The following KIAA1217 variants were observed in gnomAD, a reference collection of about 807,000 sequenced individuals.
The protein encoded by KIAA1217 is sickle tail protein homolog.
A neutral mutation model predicts 163.9 loss-of-function variants in KIAA1217; 88 were observed. The ratio of observed to expected loss-of-function variants is 0.54; its 90% CI spans 0.45 to 0.64. The LOEUF (loss-of-function observed/expected upper bound fraction) is 0.64. Among genes scored for constraint, KIAA1217 ranks in the 30% least tolerant of loss-of-function variants. The pLI is 0.00. For synonymous variants in KIAA1217, 903 were observed against 923.1 expected (o/e 0.98, Z 0.39); for missense variants, 2,372 against 2,475.0 (o/e 0.96, Z 0.88).
At chr10:24,484,224 C>CATATAT (rs1170144059) in intron 6 of KIAA1217, among the ~76,000 whole-genome samples, 52 of 90,500 alleles carry the variant, frequency 5.7e-4, no homozygotes, top group South Asian at 1.4e-3. Flanking sequence ...GATAGATATA[C>CATATAT]ATATATATAT....
chr10:24,500,880 C>T (rs1478110330), intron 8 of KIAA1217, among the ~76,000 whole-genome samples: 2 of 151,974 alleles, frequency 1.3e-5, no homozygotes, highest in East Asian at 1.9e-4. Context: ...CCCAGGTGTT[C>T]GAGACCTGCC....
At chr10:24,101,530 T>C (rs1321705313) in intron 2 of KIAA1217, among the ~76,000 whole-genome samples, 1 of 152,210 alleles carries the variant, frequency 6.6e-6, no homozygotes, top group African/African-American at 2.4e-5. Context: ...TTTGCTGTTT[T>C]CATTTATTCA....
At chr10:24,486,729 T>C (rs1322026477) in intron 6 of KIAA1217, among the ~76,000 whole-genome samples, 2 of 152,228 alleles carry the variant, frequency 1.3e-5, no homozygotes, top group Non-Finnish European at 2.9e-5. Context: ...ACTTTCTCAG[T>C]GAAGCCCTGT....
At chr10:23,871,018 C>CTT (rs796387503) in intron 1 of KIAA1217, among the ~76,000 whole-genome samples, 4 of 144,432 alleles carry the variant, frequency 2.8e-5, no homozygotes, top group African/African-American at 1.0e-4. Context: ...TTTTTCTTTT[C>CTT]TTTTTTTTTT....
intron 2 of KIAA1217, among the ~76,000 whole-genome samples, chr10:24,008,148 AG>A (rs1847078299): frequency 6.7e-6 from 1 of 149,576 alleles, no homozygotes; most frequent in Non-Finnish European, 1.5e-5. Flanking sequence ...ATCCATAGGA[AG>A]GTAGGAAATT....
Position 24,520,124 on chromosome 10 carries a change from G to T in KIAA1217, c.2179G>T (p.Glu727Ter). 6.2e-7 allele frequency: 1 copy of T among 1,613,746 alleles called. No homozygotes were observed. The highest frequency in any genetic ancestry group is 8.5e-7 in the Non-Finnish European group (1 of 1,179,752). ...EEEKIVKKLC[E>*]LEDFVEDLKK... ...GTGCTGGTGTCCTTGCTCCCGCAGCGAGTTGGAAGACTTTGTTGAAGACTT... is the reference window on the plus strand; with the variant it reads ...GTGCTGGTGTCCTTGCTCCCGCAGCTAGTTGGAAGACTTTGTTGAAGACTT... Residue 727 changes from glutamate (E) to a stop codon, truncating the protein, a stop_gained and splice_region_variant, in exon 11 of 21, where the codon GAG (glutamate) becomes TAG (stop). Transcript: ENST00000376454. LOFTEE classifies it high-confidence loss of function.
intron 1 of KIAA1217, among the ~76,000 whole-genome samples, chr10:24,003,363 G>A (rs550772553): frequency 6.6e-6 from 1 of 152,150 alleles, no homozygotes; most frequent in Non-Finnish European, 1.5e-5. Flanking sequence ...TCTTGCAGGA[G>A]TAAGGTGGTA....
intron 2 of KIAA1217, among the ~76,000 whole-genome samples, chr10:24,144,223 G>A (rs2064207246): frequency 6.6e-6 from 1 of 152,198 alleles, no homozygotes; most frequent in African/African-American, 2.4e-5. Flanking sequence ...CTCCATGTGT[G>A]AATCTCATTT....
intron 2 of KIAA1217, among the ~76,000 whole-genome samples, chr10:24,182,464 A>ACACACACACACACC (rs1219703486): frequency 2.0e-5 from 3 of 151,964 alleles, no homozygotes; most frequent in Admixed American, 2.0e-4. Flanking sequence ...ACACACACAC[A>ACACACACACACACC]CACACACAGA....
chr10:24,284,177 G>A (rs1175296216), intron 2 of KIAA1217, among the ~76,000 whole-genome samples: 1 of 152,014 alleles, frequency 6.6e-6, no homozygotes, highest in East Asian at 1.9e-4. Context: ...TAAAGTGCTG[G>A]GATTATAGGT....
At chr10:24,173,519 G>T (rs2131921918) in intron 2 of KIAA1217, among the ~76,000 whole-genome samples, 1 of 152,182 alleles carries the variant, frequency 6.6e-6, no homozygotes, top group South Asian at 2.1e-4. Context: ...AAAGGTTGGG[G>T]ACCTCTGCTC....
rs575524206 is a variant in KIAA1217, at chr10:23,895,105, C to T, written c.-320-112120C>T. On this transcript the variant is annotated intron_variant, in intron 1 of 18. Coordinates refer to the KIAA1217 transcript ENST00000376462. Reference sequence around the variant, plus strand: ...GGCAAGGACTTCATGTCTAAAACACCAAAAGCAATGGCAACAAAAGACAAA... The same window carrying T: ...GGCAAGGACTTCATGTCTAAAACACTAAAAGCAATGGCAACAAAAGACAAA... Among the ~76,000 whole-genome samples the T allele has an allele frequency of 2.4e-3, 370 of 152,050 alleles. 1 individual carries two copies. The highest frequency in any genetic ancestry group is 8.6e-3 in the African/African-American group (357 of 41,496).
At chr10:24,465,406 A>G (rs2062836494) in intron 5 of KIAA1217, among the ~76,000 whole-genome samples, 2 of 152,230 alleles carry the variant, frequency 1.3e-5, no homozygotes, top group South Asian at 4.1e-4. Flanking sequence ...AAAGGACTGG[A>G]TTTGAACTTG....
At chr10:24,035,482 GA>G (rs1185921910) in intron 2 of KIAA1217, among the ~76,000 whole-genome samples, 1 of 151,958 alleles carries the variant, frequency 6.6e-6, no homozygotes, top group African/African-American at 2.4e-5. Flanking sequence ...TAGAACTTTG[GA>G]AAAAACACTC....
chr10:24,219,403 T>C (rs1363978377), intron 1 of KIAA1217, among the ~76,000 whole-genome samples: 1 of 152,236 alleles, frequency 6.6e-6, no homozygotes, highest in South Asian at 2.1e-4. Flanking sequence ...GGAGTCGCCA[T>C]GCCCAATGAA....
intron 2 of KIAA1217, among the ~76,000 whole-genome samples, chr10:24,371,976 T>C (rs11014062): frequency 0.16 from 23,966 of 152,204 alleles, 2,156 homozygotes; most frequent in South Asian, 0.3. Context: ...AGCATGTTCT[T>C]ACTTAATAAG....
At chr10:24,352,742 G>C (rs1490316698) in intron 2 of KIAA1217, among the ~76,000 whole-genome samples, 1 of 152,130 alleles carries the variant, frequency 6.6e-6, no homozygotes, top group Non-Finnish European at 1.5e-5. Context: ...GAGAGGGGCT[G>C]GGGAGACCAT....
intron 2 of KIAA1217, among the ~76,000 whole-genome samples, chr10:24,369,978 C>T (rs1338397455): frequency 6.6e-6 from 1 of 152,202 alleles, no homozygotes; most frequent in Non-Finnish European, 1.5e-5. Context: ...AAAAAGACAT[C>T]TACCTGGCCG....
intron 1 of KIAA1217, among the ~76,000 whole-genome samples, chr10:23,766,961 C>G (rs956150149): frequency 2.6e-5 from 4 of 152,150 alleles, no homozygotes; most frequent in Admixed American, 2.6e-4. Flanking sequence ...TACCACCTGT[C>G]CTGTGCTAAA....
Sources: allele counts gnomAD v4.1 joint callset (sites outside exome capture counted in the v4.1 genomes callset), GRCh38; gene constraint gnomAD v4.1.1; transcripts MANE v1.5; gene names NCBI Gene and HGNC (gene_info 2026-07-23, HGNC 2026-07-21).